KCNIP1: variants seen among roughly 807,000 people sequenced by gnomAD.
KCNIP1 encodes A-type potassium channel modulatory protein KCNIP1.
In KCNIP1, 18 loss-of-function variants were observed where a neutral mutation model predicts 33.0. The observed-to-expected ratio is 0.55, with a 90% CI of 0.38 to 0.81. KCNIP1 has a LOEUF of 0.81. Ranked by LOEUF, KCNIP1 falls within the 30% of genes least tolerant of loss-of-function variation. The pLI, the probability that KCNIP1 is intolerant of heterozygous loss-of-function variation, is 0.00. For synonymous variants in KCNIP1, 93 were observed against 98.3 expected, an observed-to-expected ratio of 0.95 and a Z score of 0.32; for missense variants, 238 against 271.6, an observed-to-expected ratio of 0.88 and a Z score of 0.87.
chr5:170,447,942 C>G (rs561994358), intron 1 of KCNIP1, among the ~76,000 whole-genome samples: 1 of 151,936 alleles, frequency 6.6e-6, no homozygotes, highest in African/African-American at 2.4e-5. Context: ...GACTGGATGA[C>G]TCCTACCCAG....
intron 1 of KCNIP1, among the ~76,000 whole-genome samples, chr5:170,492,904 C>A (rs1211759942): frequency 2.0e-5 from 3 of 152,202 alleles, no homozygotes; most frequent in Non-Finnish European, 2.9e-5. Context: ...TGCCCACCAC[C>A]ATGCCTGGCT....
intron 6 of KCNIP1, 123 bp from the exon 7 acceptor site, chr5:170,733,713 G>C: frequency 1.3e-6 from 1 of 763,382 alleles, no homozygotes; most frequent in Non-Finnish European, 2.2e-6. Flanking sequence ...GGCAAAGTTG[G>C]TTAATGAAAT....
Position 170,551,898 on chromosome 5 carries a change from G to A in KCNIP1, c.61+47265G>A, listed in dbSNP as rs865837707. On this transcript the variant is annotated intron_variant, in intron 1 of 7. Coordinates refer to ENST00000328939, the MANE Select transcript of KCNIP1 (RefSeq NM_014592.4). ...TGTGTGTATATGAATGTGTACGAGT[G>A]TGTGAGTGTGTGTATGTATGAGTAC... Among the ~76,000 whole-genome samples, 12 of 151,690 alleles carry A rather than the reference G, an allele frequency of 7.9e-5. No individual in the cohort carries two copies. The South Asian group carries it at 8.3e-4, about 11-fold the overall frequency.
intron 1 of KCNIP1, among the ~76,000 whole-genome samples, chr5:170,436,498 A>G (rs1175000905): frequency 6.6e-6 from 1 of 152,194 alleles, no homozygotes; most frequent in Non-Finnish European, 1.5e-5. Context: ...TTGGGTCAGC[A>G]CTGGAATCCC....
chr5:170,543,653 A>G (rs552259134), intron 1 of KCNIP1, among the ~76,000 whole-genome samples: 5 of 152,200 alleles, frequency 3.3e-5, no homozygotes, highest in Non-Finnish European at 7.3e-5. Flanking sequence ...ATTTTCCCAT[A>G]GGCCTCTTCC....
At chr5:170,448,679 T>C (rs1277526272) in intron 1 of KCNIP1, among the ~76,000 whole-genome samples, 1 of 152,156 alleles carries the variant, frequency 6.6e-6, no homozygotes, top group Non-Finnish European at 1.5e-5. Context: ...AATAATAGTG[T>C]ATGAGCTGGT....
At chr5:170,393,644 G>C (rs1011585937) in intron 1 of KCNIP1, among the ~76,000 whole-genome samples, 1 of 152,146 alleles carries the variant, frequency 6.6e-6, no homozygotes, top group Non-Finnish European at 1.5e-5. Context: ...TTTTTTAGTA[G>C]AGTTGAGATG....
chr5:170,548,907 C>T (rs567773618), intron 1 of KCNIP1, among the ~76,000 whole-genome samples: 1 of 152,300 alleles, frequency 6.6e-6, no homozygotes, highest in Non-Finnish European at 1.5e-5. Context: ...CATGTTTGCC[C>T]TCAGCTAAAG....
intron 1 of KCNIP1, among the ~76,000 whole-genome samples, chr5:170,482,798 C>T (rs923303477): frequency 6.6e-6 from 1 of 152,148 alleles, no homozygotes; most frequent in Non-Finnish European, 1.5e-5. Context: ...TAATAACTTC[C>T]ACAGCCTTCT....
At chr5:170,409,641 T>G (rs562771214) in intron 1 of KCNIP1, among the ~76,000 whole-genome samples, 1 of 152,176 alleles carries the variant, frequency 6.6e-6, no homozygotes, top group Non-Finnish European at 1.5e-5. Flanking sequence ...CAGGCCAAGA[T>G]GACAAGGGGG....
chr5:170,424,758 C>T (rs1015070855), intron 1 of KCNIP1, among the ~76,000 whole-genome samples: 4 of 152,188 alleles, frequency 2.6e-5, no homozygotes, highest in African/African-American at 7.2e-5. Flanking sequence ...CAGATTATGT[C>T]ATTCTCCTGC....
At chr5:170,709,069 T>C (rs370095649) in intron 1 of KCNIP1, among the ~76,000 whole-genome samples, 5 of 152,334 alleles carry the variant, frequency 3.3e-5, no homozygotes, top group African/African-American at 1.2e-4. Flanking sequence ...GCCCAGGAAA[T>C]GGTCACTTTT....
At chr5:170,695,646 T>C (rs4464713) in intron 1 of KCNIP1, among the ~76,000 whole-genome samples, 37,929 of 152,192 alleles carry the variant, frequency 0.25, 6,009 homozygotes, top group East Asian at 0.82. Flanking sequence ...TTTGAGGCTA[T>C]TATAAACTTG....
At chr5:170,517,797 A>AT (rs1451843247) in intron 1 of KCNIP1, among the ~76,000 whole-genome samples, 2 of 134,732 alleles carry the variant, frequency 1.5e-5, no homozygotes, top group Admixed American at 7.5e-5. Context: ...GATGATGGTG[A>AT]AGTGATAGTG....
intron 1 of KCNIP1, among the ~76,000 whole-genome samples, chr5:170,539,456 A>T (rs1437397944): frequency 6.6e-6 from 1 of 151,950 alleles, no homozygotes; most frequent in Non-Finnish European, 1.5e-5. Flanking sequence ...CAACCCCCAG[A>T]CCTGCCCGTG....
At chr5:170,575,510 G>C (rs1561695476) in intron 1 of KCNIP1, among the ~76,000 whole-genome samples, 1 of 152,198 alleles carries the variant, frequency 6.6e-6, no homozygotes, top group Non-Finnish European at 1.5e-5. Context: ...TGTTAAATAA[G>C]AATTCTAAGC....
chr5:170,376,364 C>T (rs112854794), intron 1 of KCNIP1: 27,009 of 151,426 alleles, frequency 0.18, 2,664 homozygotes, highest in South Asian at 0.29. Flanking sequence ...AGGGTTTCAC[C>T]GTGTTAGCCA....
chr5:170,558,490 C>A (rs1040264740), intron 1 of KCNIP1, among the ~76,000 whole-genome samples: 1 of 152,222 alleles, frequency 6.6e-6, no homozygotes, highest in Non-Finnish European at 1.5e-5. Context: ...ACACCAAGCT[C>A]CCTTGTAGAT....
intron 1 of KCNIP1, among the ~76,000 whole-genome samples, chr5:170,547,985 C>T (rs1364586544): frequency 1.3e-5 from 2 of 152,206 alleles, no homozygotes; most frequent in Admixed American, 1.3e-4. Flanking sequence ...TACACTCCCA[C>T]CAACAGTATA....
Sources: gnomAD v4.1 joint callset for allele counts (sites outside exome capture counted in the v4.1 genomes callset) on GRCh38, gnomAD v4.1.1 for gene constraint, MANE v1.5 for transcripts, NCBI Gene and HGNC (gene_info 2026-07-23, HGNC 2026-07-21) for gene names.